Variants in GTF3C1 observed in about 807,000 individuals in gnomAD.
The protein encoded by GTF3C1 is general transcription factor 3C polypeptide 1.
GTF3C1 carries 57 observed loss-of-function variants against 226.7 expected under a neutral mutation model. The ratio of observed to expected loss-of-function variants is 0.25; its 90% CI spans 0.20 to 0.31. The LOEUF is 0.31. GTF3C1 is among the 10% of genes least tolerant of loss of function. The pLI is 1.00. For missense variants in GTF3C1, 2,217 were observed against 2,776.1 expected (o/e 0.80, Z 4.53); for synonymous variants, 1,090 against 1,084.8 (o/e 1.00, Z -0.09).
intron 23 of GTF3C1, among the ~76,000 whole-genome samples, chr16:27,487,903 A>G (rs1428930819): frequency 6.6e-6 from 1 of 152,234 alleles, no homozygotes; most frequent in African/African-American, 2.4e-5. Flanking sequence ...GATCTTGGCT[A>G]GTTGTGATGA....
chr16:27,496,813 G>T (rs1407824956), intron 14 of GTF3C1, among the ~76,000 whole-genome samples: 3 of 152,222 alleles, frequency 2.0e-5, no homozygotes, highest in African/African-American at 7.2e-5. Context: ...ACAGCAAGAG[G>T]GTGCAGGACA....
intron 34 of GTF3C1, 22 bp downstream of exon 34, chr16:27,464,298 T>TG (rs1335490391): frequency 2.2e-6 from 3 of 1,362,086 alleles, no homozygotes; most frequent in Non-Finnish European, 1.9e-6. Flanking sequence ...TGAGGTGGGG[T>TG]GGGGGACAAG....
At chr16:27,504,337 A>AG (rs1267176718) in intron 10 of GTF3C1, among the ~76,000 whole-genome samples, 1 of 152,202 alleles carries the variant, frequency 6.6e-6, no homozygotes, top group African/African-American at 2.4e-5. Context: ...GCGGGACTCC[A>AG]GGGGAGCTGC....
At chr16:27,518,529 C>T (rs978375389) in intron 6 of GTF3C1, among the ~76,000 whole-genome samples, 3 of 152,364 alleles carry the variant, frequency 2.0e-5, no homozygotes, top group Non-Finnish European at 4.4e-5. Flanking sequence ...CTGATCGTTA[C>T]TACAACCTTG....
chr16:27,526,778 T>C (rs2088840039), intron 6 of GTF3C1, among the ~76,000 whole-genome samples: 2 of 152,278 alleles, frequency 1.3e-5, no homozygotes, highest in Non-Finnish European at 2.9e-5. Context: ...TTCATCACTA[T>C]GGTGAAGTTT....
intron 27 of GTF3C1, chr16:27,480,813 A>G: frequency 2.3e-6 from 1 of 438,204 alleles, no homozygotes; most frequent in Non-Finnish European, 4.1e-6. Context: ...TCAAAGGTAA[A>G]GTAAGCAAAC....
intron 5 of GTF3C1, among the ~76,000 whole-genome samples, chr16:27,530,104 A>G (rs901862860): frequency 2.0e-5 from 3 of 152,128 alleles, no homozygotes; most frequent in Non-Finnish European, 4.4e-5. Context: ...TGAATCTTAC[A>G]GCTTTCCTCT....
rs778250475 is a variant in GTF3C1, at chr16:27,464,351, C to A, written c.5841G>T (p.Ala1947=). 1.9e-6 allele frequency: 3 copies of A among 1,543,344 alleles called. No homozygotes were observed. The highest frequency in any genetic ancestry group is 1.7e-6 in the Non-Finnish European group (2 of 1,149,170). The change falls in exon 34 of 37, where the codon GCG becomes GCT. Residue 1947 remains alanine, a synonymous_variant. Transcript: ENST00000356183. ...SPGQEQLSGQ[A]QPPEGSEDPR... ...GGTCTTCAGAGCCCTCTGGAGGCTG[C>A]GCCTGGCCGCTCAGCTGCTCTTGGC...
At chr16:27,525,895 G>C (rs186005975) in intron 6 of GTF3C1, among the ~76,000 whole-genome samples, 115 of 152,270 alleles carry the variant, frequency 7.6e-4, no homozygotes, top group Admixed American at 1.4e-3. Context: ...TAACTCTAAG[G>C]ATTCTTTATT....
chr16:27,501,126 G>A, intron 12 of GTF3C1, 65 bp downstream of exon 12: 2 of 1,340,602 alleles, frequency 1.5e-6, no homozygotes, highest in Admixed American at 3.5e-5. Context: ...AATGACAAGA[G>A]AAGCTAGACA....
chr16:27,509,901 A>G (rs542894010), intron 7 of GTF3C1, among the ~76,000 whole-genome samples: 20 of 152,310 alleles, frequency 1.3e-4, no homozygotes, highest in African/African-American at 4.3e-4. Context: ...CAGAATGAAG[A>G]AAGATGACTA....
chr16:27,481,322 T>TCC (rs2088043158), intron 26 of GTF3C1, 131 bp from the exon 27 acceptor site: 3 of 714,512 alleles, frequency 4.2e-6, no homozygotes, highest in Non-Finnish European at 2.4e-6. Flanking sequence ...ACCAGGTGCC[T>TCC]CCCCTGGTCA....
intron 27 of GTF3C1, among the ~76,000 whole-genome samples, chr16:27,480,074 G>A (rs546237908): frequency 5.9e-5 from 9 of 151,978 alleles, no homozygotes; most frequent in Non-Finnish European, 8.8e-5. Flanking sequence ...GGTGGCGGGC[G>A]CCTGTAGTCC....
At chr16:27,519,421 G>A (rs2088711603) in intron 6 of GTF3C1, among the ~76,000 whole-genome samples, 1 of 152,176 alleles carries the variant, frequency 6.6e-6, no homozygotes, top group African/African-American at 2.4e-5. Flanking sequence ...GGCCTGGAAG[G>A]GAGTCCAGAT....
chr16:27,534,859 T>C (rs1385059906), intron 4 of GTF3C1, among the ~76,000 whole-genome samples: 1 of 152,012 alleles, frequency 6.6e-6, no homozygotes, highest in Non-Finnish European at 1.5e-5. Flanking sequence ...TTTTTTTTCA[T>C]ATTTATTGAA....
chr16:27,471,857 T>C lies in GTF3C1; in HGVS notation c.4417A>G (p.Lys1473Glu), dbSNP rs1430428381. The C allele has an allele frequency of 6.2e-7, 1 of 1,614,094 alleles. No individual in the cohort carries two copies. Among genetic ancestry groups the C allele is most frequent in the South Asian group, 1.1e-5 (1 of 91,082 alleles). The change falls in exon 30 of 37, where the codon AAG (lysine) becomes GAG (glutamate). Residue 1473 changes from lysine to glutamate, a missense_variant. Lys to Glu is a moderately conservative substitution (Grantham distance 56). Transcript: ENST00000356183. The surrounding 1 kb of genome is among the most constrained non-coding windows in gnomAD (Gnocchi z 5.0). ...VLVKAFMECQ[K>E]RSLVNRRRVN... Reference sequence around the variant, plus strand: ...CGGCGCCGGTTGACCAAGCTCCTCTTCTGGCACTCCATGAAGGCCTTCACA... The same window carrying C: ...CGGCGCCGGTTGACCAAGCTCCTCTCCTGGCACTCCATGAAGGCCTTCACA...
Position 27,528,590 on chromosome 16 carries a change from T to C in GTF3C1, c.973+8A>G, listed in dbSNP as rs2088867627. On this transcript the variant is annotated splice_region_variant and intron_variant, in intron 6 of 36. Transcript: ENST00000356183. ...GCCAAGGGAACAGAAGCTGAGACTC[T>C]GCATTACCTTTCTTTGTCTTACAAG... The C allele has an allele frequency of 4.3e-6, 7 of 1,609,942 alleles. No homozygotes were observed. Among genetic ancestry groups the C allele is most frequent in the African/African-American group, 1.3e-5 (1 of 74,948 alleles).
chr16:27,544,451 G>A (rs1219426864), intron 2 of GTF3C1, among the ~76,000 whole-genome samples: 1 of 151,914 alleles, frequency 6.6e-6, no homozygotes, highest in Admixed American at 6.6e-5. Context: ...AGCAGGGGTA[G>A]AGGGAGCTGG....
intron 6 of GTF3C1, among the ~76,000 whole-genome samples, chr16:27,519,386 A>T (rs553217624): frequency 1.3e-5 from 2 of 152,188 alleles, no homozygotes; most frequent in Non-Finnish European, 2.9e-5. Flanking sequence ...TGCAGTGGAC[A>T]TGGAAGCTGG....
Sources: gnomAD v4.1 joint callset for allele counts (sites outside exome capture counted in the v4.1 genomes callset) on GRCh38, gnomAD v4.1.1 for gene constraint, Gnocchi (gnomAD v3.1) non-coding constraint, MANE v1.5 for transcripts, NCBI Gene and HGNC (gene_info 2026-07-23, HGNC 2026-07-21) for gene names.